AKNAD1: variants seen among roughly 807,000 people sequenced by gnomAD.
AKNAD1 encodes AKNA domain containing 1.
Under a neutral mutation model 90.8 loss-of-function variants are expected in AKNAD1, and 67 were observed. The ratio of observed to expected loss-of-function variants is 0.74; its 90% confidence interval spans 0.61 to 0.90. The LOEUF (loss-of-function observed/expected upper bound fraction) is 0.90, where lower values mean the gene tolerates loss of function less well. AKNAD1 is among the 40% of genes least tolerant of loss of function. The pLI, the probability that AKNAD1 is intolerant of heterozygous loss-of-function variation, is 0.00. For missense variants in AKNAD1, 957 were observed against 975.4 expected (o/e 0.98, Z 0.25); for synonymous variants, 327 against 341.4 (o/e 0.96, Z 0.46).
chr1:108,825,973 T>C (rs1663984377), intron 11 of AKNAD1, among the ~76,000 whole-genome samples: 2 of 151,698 alleles, frequency 1.3e-5, no homozygotes. Context: ...CATAACTGCA[T>C]CTCCATCAGT....
chr1:108,847,966 G>A (rs1403403826), intron 5 of AKNAD1, among the ~76,000 whole-genome samples: 1 of 152,216 alleles, frequency 6.6e-6, no homozygotes, highest in African/African-American at 2.4e-5. Flanking sequence ...CCTGATAAAT[G>A]TTTGTTGAAT....
At chr1:108,840,222 A>C (rs567243210) in intron 6 of AKNAD1, among the ~76,000 whole-genome samples, 14 of 152,220 alleles carry the variant, frequency 9.2e-5, no homozygotes, top group Admixed American at 9.2e-4. Flanking sequence ...TAAGACAATC[A>C]ACTAAAAAAT....
At chr1:108,856,372 T>G (rs972586176) in intron 1 of AKNAD1, among the ~76,000 whole-genome samples, 1 of 152,036 alleles carries the variant, frequency 6.6e-6, no homozygotes, top group African/African-American at 2.4e-5. Flanking sequence ...TAATTAAAAC[T>G]GATAAAATTT....
chr1:108,821,065 C>T (rs11102491), intron 13 of AKNAD1, among the ~76,000 whole-genome samples: 71,522 of 151,446 alleles, frequency 0.47, 17,496 homozygotes, highest in Non-Finnish European at 0.55. Flanking sequence ...CCAGCCTGGG[C>T]GACAGAGCTA....
chr1:108,828,783 TG>T (rs1266455817), intron 10 of AKNAD1, among the ~76,000 whole-genome samples: 2 of 151,808 alleles, frequency 1.3e-5, no homozygotes, highest in African/African-American at 4.8e-5. Context: ...CTCTCCAAAG[TG>T]GGAAACTTGG....
chr1:108,830,678 T>C (rs1474888642), intron 9 of AKNAD1, 28 bp from the exon 10 acceptor site: 3 of 1,610,496 alleles, frequency 1.9e-6, no homozygotes, highest in Non-Finnish European at 2.5e-6. Context: ...CAGATGGAGA[T>C]GTGATAGAGG....
At chr1:108,825,981 A>G (rs1279331585) in intron 11 of AKNAD1, among the ~76,000 whole-genome samples, 1 of 151,750 alleles carries the variant, frequency 6.6e-6, no homozygotes, top group Admixed American at 6.6e-5. Context: ...CATCTCCATC[A>G]GTTGCCTGTA....
In AKNAD1 at chr1:108,852,678, G is replaced by A. The variant is rs781069481; in HGVS notation, c.-14C>T. ...AGCCTCATCCATGTGTGTGCAGCCC[G>A]ATCGCTCTCGTCCTCTGCCTCCTGA... On this transcript the variant is annotated 5_prime_UTR_variant, in exon 2 of 16. Coordinates refer to ENST00000370001, the MANE Select transcript of AKNAD1 (RefSeq NM_152763.5). 152 of 1,546,590 alleles carry A rather than the reference G, an allele frequency of 9.8e-5. No homozygotes were observed. Among genetic ancestry groups the A allele is most frequent in the Non-Finnish European group, 1.1e-4 (127 of 1,151,098 alleles).
intron 5 of AKNAD1, among the ~76,000 whole-genome samples, chr1:108,848,231 A>G (rs1412888): frequency 1.3e-5 from 2 of 151,608 alleles, no homozygotes; most frequent in African/African-American, 4.9e-5. Context: ...CCCCCTTCCC[A>G]TGATCCTGGC....
At chr1:108,853,102 G>A (rs1005609693) in intron 1 of AKNAD1, among the ~76,000 whole-genome samples, 4 of 151,436 alleles carry the variant, frequency 2.6e-5, no homozygotes, top group African/African-American at 9.7e-5. Flanking sequence ...AGGAACTTGG[G>A]ATGCAAGTAA....
At chr1:108,840,741 C>T (rs1664529713) in intron 6 of AKNAD1, among the ~76,000 whole-genome samples, 2 of 151,816 alleles carry the variant, frequency 1.3e-5, no homozygotes, top group South Asian at 4.1e-4. Flanking sequence ...GGAAAGGCTG[C>T]CCTATTCAAT....
chr1:108,853,353 C>G (rs7519446), intron 1 of AKNAD1, among the ~76,000 whole-genome samples: 21,774 of 151,496 alleles, frequency 0.14, 1,650 homozygotes, highest in Middle Eastern at 0.19. Flanking sequence ...GGATGGTCTT[C>G]ATCTCCTGAC....
rs1309255942 is a variant in AKNAD1 at position 108,852,207 on chromosome 1, G to A, written c.458C>T (p.Ser153Leu). The change falls in exon 2 of 16, where the codon TCA (serine) becomes TTA (leucine). Residue 153 changes from serine to leucine, a missense_variant. Physicochemically the swap from Ser to Leu is moderately radical, Grantham distance 145. Coordinates refer to ENST00000370001, the MANE Select transcript of AKNAD1 (RefSeq NM_152763.5). ...TGGCCAAGAATTCTTATTATAACAT[G>A]AAATAATACTTTTAATAATAGCTTC... ...EEEAIIKSII[S>L]CYNKNSWPKE... 6.2e-7 allele frequency: 1 copy of A among 1,613,282 alleles called. No individual in the cohort carries two copies. The highest frequency in any genetic ancestry group is 1.7e-5 in the Admixed American group (1 of 59,878).
chr1:108,843,350 C>T, intron 5 of AKNAD1, 83 bp from the exon 6 acceptor site: 2 of 1,511,688 alleles, frequency 1.3e-6, no homozygotes, highest in Non-Finnish European at 1.8e-6. Flanking sequence ...GCAGGTGTAC[C>T]CTACAGTAGT....
At chr1:108,816,960 G>T in intron 15 of AKNAD1, 88 bp downstream of exon 15, 1 of 1,496,492 alleles carries the variant, frequency 6.7e-7, no homozygotes, top group Non-Finnish European at 9.1e-7. Context: ...CTCTGATACT[G>T]TAATAACTTA....
chr1:108,815,964 T>C lies in AKNAD1; in HGVS notation c.*207A>G, dbSNP rs1303268039. 2 of 339,888 alleles carry C rather than the reference T, an allele frequency of 5.9e-6. No homozygotes were observed. Among genetic ancestry groups the C allele is most frequent in the African/African-American group, 2.1e-5 (1 of 46,832 alleles). 21.1% of individuals were successfully genotyped at this position (339,888 alleles called of 1,614,324 possible). Reference sequence around the variant, plus strand: ...ATAGATTTATTTTAAAATAAATACTTGTTGGTTGCTTTTGATTTTAAGAAT... The same window carrying C: ...ATAGATTTATTTTAAAATAAATACTCGTTGGTTGCTTTTGATTTTAAGAAT... On this transcript the variant is annotated 3_prime_UTR_variant, in exon 16 of 16. Transcript: ENST00000370001.
chr1:108,817,482 CTTTTTTTTTTTTTAA>C (rs1663651483), intron 14 of AKNAD1: 1 of 103,428 alleles, frequency 9.7e-6, no homozygotes, highest in Non-Finnish European at 1.9e-5. Flanking sequence ...GGCCAACTTT[CTTTTTTTTTTTTTAA>C]TTTTTTTTTT....
intron 1 of AKNAD1, among the ~76,000 whole-genome samples, chr1:108,855,878 CTTT>C (rs540099927): frequency 7.9e-6 from 1 of 127,084 alleles, no homozygotes. Context: ...AACAGAGTAT[CTTT>C]TTTTTTTTTT....
Position 108,849,061 on chromosome 1 carries a change from C to T in AKNAD1, c.1034-1G>A, listed in dbSNP as rs769370416. On this transcript the variant is annotated splice_acceptor_variant, in intron 3 of 15. Coordinates refer to ENST00000370001, the MANE Select transcript of AKNAD1 (RefSeq NM_152763.5). LOFTEE classifies it high-confidence loss of function. ...GAGAGACTTGCCTCAGATTCTATTC[C>T]TATACAAGAAAGAACACATTTGGGC... 6.9e-6 allele frequency: 11 copies of T among 1,585,658 alleles called. No individual in the cohort carries two copies. The highest frequency in any genetic ancestry group is 3.4e-4 in the Middle Eastern group (2 of 5,918).
Sources: gnomAD v4.1 joint callset for allele counts (sites outside exome capture counted in the v4.1 genomes callset) on GRCh38, gnomAD v4.1.1 for gene constraint, MANE v1.5 for transcripts, NCBI Gene and HGNC (gene_info 2026-07-23, HGNC 2026-07-21) for gene names.